Variants in LRRC28 observed in about 807,000 individuals in gnomAD.
LRRC28 encodes the protein leucine rich repeat containing 28, also known as leucine-rich repeat-containing protein 28.
A neutral mutation model predicts 45.7 loss-of-function variants in LRRC28; 39 were observed. That is an observed-to-expected ratio of 0.85 (90% CI 0.66 to 1.12). The LOEUF (loss-of-function observed/expected upper bound fraction) is 1.12. LRRC28 is among the 50% of genes most tolerant of loss of function. The pLI is 0.00. For synonymous variants in LRRC28, 206 were observed against 178.8 expected (o/e 1.15, Z -1.22); for missense variants, 435 against 438.5 (o/e 0.99, Z 0.07).
chr15:99,381,573 G>A lies in LRRC28; in HGVS notation c.1032-4457G>A, dbSNP rs190490274. Among the ~76,000 whole-genome samples, 187 of 152,302 alleles carry A rather than the reference G, an allele frequency of 1.2e-3. 2 individuals are homozygous for A. Among genetic ancestry groups the A allele is most frequent in the Middle Eastern group, 3.4e-3 (1 of 294 alleles). ...CATCCAGCTTTGTTCCGTTGCTGGC[G>A]AGGAGCTGTGTTCCTTTGGAGGGGG... On this transcript the variant is annotated intron_variant, in intron 9 of 9. Coordinates refer to ENST00000301981, the MANE Select transcript of LRRC28 (RefSeq NM_144598.5).
chr15:99,357,218 T>C (rs1269559963), intron 7 of LRRC28, among the ~76,000 whole-genome samples: 2 of 152,150 alleles, frequency 1.3e-5, no homozygotes, highest in African/African-American at 4.8e-5. Context: ...CAGCTCTCAC[T>C]CCCCTCTCAG....
intron 9 of LRRC28, among the ~76,000 whole-genome samples, chr15:99,375,540 CTT>C (rs982684514): frequency 1.3e-5 from 2 of 152,088 alleles, no homozygotes; most frequent in African/African-American, 4.8e-5. Flanking sequence ...TTGTGTAAAA[CTT>C]TTCAAAAATT....
At chr15:99,275,081 A>G (rs773173640) in intron 2 of LRRC28, among the ~76,000 whole-genome samples, 3 of 151,932 alleles carry the variant, frequency 2.0e-5, no homozygotes, top group Non-Finnish European at 4.4e-5. Flanking sequence ...GTAAATTTGA[A>G]CCCCCTATGT....
intron 2 of LRRC28, among the ~76,000 whole-genome samples, chr15:99,269,924 A>G (rs2081430606): frequency 1.3e-5 from 2 of 152,194 alleles, no homozygotes; most frequent in Admixed American, 1.3e-4. Context: ...GAAGGCATTT[A>G]TGCTACTGGG....
rs1246942798 is a variant in LRRC28 at position 99,386,541 on chromosome 15, A to G, written c.*439A>G. 6.5e-6 allele frequency: 1 copy of G among 154,444 alleles called. No individual in the cohort carries two copies. The highest frequency in any genetic ancestry group is 6.4e-5 in the Admixed American group (1 of 15,562). 9.6% of individuals were successfully genotyped at this position (154,444 alleles called of 1,614,324 possible). A position where few individuals can be genotyped will look rare whatever the true frequency, so the allele number is the denominator to read the frequency against. ...AGACCATGTTCTCCACAGTGTCTCC[A>G]GTGGAAACTTGTCAGTTTTTGAGGA... On this transcript the variant is annotated 3_prime_UTR_variant, in exon 10 of 10. Transcript: ENST00000301981.
chr15:99,288,017 TC>T, intron 5 of LRRC28, 66 bp downstream of exon 5: 1 of 1,425,852 alleles, frequency 7.0e-7, no homozygotes, highest in Admixed American at 2.2e-5. Context: ...TATTTCTCAC[TC>T]TATGTCTAGG....
At chr15:99,358,962 G>A (rs2152323868) in intron 7 of LRRC28, among the ~76,000 whole-genome samples, 1 of 151,960 alleles carries the variant, frequency 6.6e-6, no homozygotes, top group East Asian at 1.9e-4. Context: ...TGTAATCCTA[G>A]CTACTCAGGA....
At chr15:99,300,934 T>G (rs939936643) in intron 5 of LRRC28, among the ~76,000 whole-genome samples, 3 of 152,258 alleles carry the variant, frequency 2.0e-5, no homozygotes, top group African/African-American at 7.2e-5. Flanking sequence ...ACTTGATATC[T>G]CTAGGAGACT....
chr15:99,285,659 C>G, intron 3 of LRRC28: 1 of 617,692 alleles, frequency 1.6e-6, no homozygotes, highest in East Asian at 2.8e-5. Flanking sequence ...CATACAGCAT[C>G]TTGATTATAT....
intron 2 of LRRC28, among the ~76,000 whole-genome samples, chr15:99,276,122 G>A (rs897054991): frequency 6.6e-6 from 1 of 151,652 alleles, no homozygotes; most frequent in Admixed American, 6.6e-5. Context: ...ACAGTCTCCC[G>A]TCACCCCCAG....
At chr15:99,266,028 A>G (rs1461933036) in intron 2 of LRRC28, among the ~76,000 whole-genome samples, 1 of 152,212 alleles carries the variant, frequency 6.6e-6, no homozygotes, top group Non-Finnish European at 1.5e-5. Context: ...TTTTAATGAA[A>G]GAGGGGAGTT....
rs1307236981 is a variant in LRRC28 at position 99,387,093 on chromosome 15, C to T, written c.*991C>T. ...TTGTTGTTGTTGAGACGGAGTCTCG[C>T]TCTGTCGCCCAGGCTGGAGTGCAGT... On this transcript the variant is annotated 3_prime_UTR_variant, in exon 10 of 10. Transcript: ENST00000301981. 3 of 151,176 alleles carry T rather than the reference C, an allele frequency of 2.0e-5. No homozygotes were observed. Among genetic ancestry groups the T allele is most frequent in the Non-Finnish European group, 4.4e-5 (3 of 67,730 alleles). 9.4% of individuals were successfully genotyped at this position (151,176 alleles called of 1,614,324 possible). A position where few individuals can be genotyped will look rare whatever the true frequency, so the allele number is the denominator to read the frequency against.
chr15:99,349,434 A>C (rs901040964), intron 6 of LRRC28, among the ~76,000 whole-genome samples: 11 of 152,126 alleles, frequency 7.2e-5, no homozygotes, highest in Non-Finnish European at 1.2e-4. Context: ...ATAAATTAGG[A>C]CTCTATTTGT....
At chr15:99,284,584 T>G in intron 3 of LRRC28, 1 of 473,460 alleles carries the variant, frequency 2.1e-6, no homozygotes, top group Non-Finnish European at 4.2e-6. Context: ...CTTCTCTTGC[T>G]CTCCTTTCCT....
chr15:99,355,776 T>C (rs1957032280), intron 7 of LRRC28: 1 of 152,174 alleles, frequency 6.6e-6, no homozygotes, highest in Non-Finnish European at 1.5e-5. Flanking sequence ...CTTTGCTTTT[T>C]ATTGTGTAAA....
At chr15:99,308,664 C>T (rs1055047896) in intron 5 of LRRC28, among the ~76,000 whole-genome samples, 1 of 152,130 alleles carries the variant, frequency 6.6e-6, no homozygotes, top group Non-Finnish European at 1.5e-5. Flanking sequence ...TAGAGTGGGA[C>T]CCTGTCTCCA....
chr15:99,351,919 G>A (rs1464134506), intron 6 of LRRC28, among the ~76,000 whole-genome samples: 2 of 152,146 alleles, frequency 1.3e-5, no homozygotes, highest in African/African-American at 2.4e-5. Context: ...ATTGCTCAGA[G>A]GCAACATCAG....
intron 5 of LRRC28, among the ~76,000 whole-genome samples, chr15:99,332,626 C>A (rs1186940463): frequency 1.3e-5 from 2 of 152,152 alleles, no homozygotes; most frequent in Non-Finnish European, 2.9e-5. Context: ...TGTTTACCAT[C>A]CTTTAAAAAT....
chr15:99,259,688 C>G, intron 2 of LRRC28: 2 of 1,383,948 alleles, frequency 1.4e-6, no homozygotes, highest in Non-Finnish European at 1.0e-6. Context: ...TCCCAGACAT[C>G]CGCTGATCAG....
Sources: gnomAD v4.1 joint callset for allele counts (sites outside exome capture counted in the v4.1 genomes callset) on GRCh38, gnomAD v4.1.1 for gene constraint, MANE v1.5 for transcripts, NCBI Gene and HGNC (gene_info 2026-07-23, HGNC 2026-07-21) for gene names.